SORCS2: variants seen among roughly 807,000 people sequenced by gnomAD.
The protein encoded by SORCS2 is sortilin related VPS10 domain containing receptor 2, also known as VPS10 domain-containing receptor SorCS2.
In SORCS2, 100 loss-of-function variants were observed where a neutral mutation model predicts 141.6. The observed-to-expected ratio is 0.71, with a 90% CI of 0.60 to 0.83. The LOEUF (loss-of-function observed/expected upper bound fraction) is 0.83. SORCS2 is among the 40% of genes least tolerant of loss of function. The pLI is 0.00. For synonymous variants in SORCS2, 789 were observed against 676.9 expected, an observed-to-expected ratio of 1.17 and a Z score of -2.57; for missense variants, 1,646 against 1,560.2, an observed-to-expected ratio of 1.05 and a Z score of -0.93.
rs1238763853 is a variant in SORCS2 at position 7,286,040 on chromosome 4, G to A, written c.480+92914G>A. 6.6e-6 allele frequency among the ~76,000 whole-genome samples: 1 copy of A among 152,170 alleles called. No individual in the cohort carries two copies. Among genetic ancestry groups the A allele is most frequent in the East Asian group, 1.9e-4 (1 of 5,174 alleles). ...CCTGCCGAGAGCCAGCTGCCCCGCCGGGGGCTCCCTGCCTGCCTCCCATCC... is the reference window on the plus strand; with the variant it reads ...CCTGCCGAGAGCCAGCTGCCCCGCCAGGGGCTCCCTGCCTGCCTCCCATCC... On this transcript the variant is annotated intron_variant, in intron 1 of 26. Coordinates refer to ENST00000507866, the MANE Select transcript of SORCS2 (RefSeq NM_020777.3). This position sits in a 1 kb window ranked among gnomAD's most constrained non-coding sequence, Gnocchi z 4.1.
chr4:7,366,508 T>TC, intron 1 of SORCS2, among the ~76,000 whole-genome samples: 1 of 77,510 alleles, frequency 1.3e-5, no homozygotes, highest in East Asian at 3.9e-4. Flanking sequence ...CCTCCAGGCT[T>TC]CCCCTCCTCC....
rs5855952 is a variant in SORCS2, at chr4:7,248,336, T to TGG, written c.480+55216_480+55217dup. 2.3e-3 allele frequency among the ~76,000 whole-genome samples: 345 copies of TGG among 152,002 alleles called. 1 individual carries two copies. Among genetic ancestry groups the TGG allele is most frequent in the East Asian group, 0.013 (66 of 5,160 alleles). On this transcript the variant is annotated intron_variant, in intron 1 of 26. Transcript: ENST00000507866. The stretch of plus-strand genomic sequence containing the variant: ...CCTTCTGCAGGTGTACAGGTCACCG[T>TGG]GGGGGGGCCCTGGGATGGATTCAGA...
chr4:7,268,445 C>T (rs1243174819), intron 1 of SORCS2, among the ~76,000 whole-genome samples: 1 of 152,198 alleles, frequency 6.6e-6, no homozygotes, highest in African/African-American at 2.4e-5. Flanking sequence ...CGTCATCCAG[C>T]ATGCAATGGG....
chr4:7,309,261 C>T (rs888424252), intron 1 of SORCS2, among the ~76,000 whole-genome samples: 3 of 152,206 alleles, frequency 2.0e-5, no homozygotes, highest in Non-Finnish European at 2.9e-5. Context: ...CCCAGTGAAT[C>T]GGAGATGCCA....
chr4:7,396,373 C>G lies in SORCS2; in HGVS notation c.548+18C>G, dbSNP rs778678690. 9.3e-6 allele frequency: 15 copies of G among 1,613,252 alleles called. No individual in the cohort carries two copies. Among genetic ancestry groups the G allele is most frequent in the Non-Finnish European group, 1.3e-5 (15 of 1,179,598 alleles). On this transcript the variant is annotated intron_variant, in intron 2 of 26. Transcript: ENST00000507866. Reference sequence around the variant, plus strand: ...CTGTGGCGGTAAGTCAGCCCGATGGCAGGCCTTTCTCTTATGCACCTGCGT... The same window carrying G: ...CTGTGGCGGTAAGTCAGCCCGATGGGAGGCCTTTCTCTTATGCACCTGCGT...
intron 1 of SORCS2, among the ~76,000 whole-genome samples, chr4:7,340,084 C>T (rs964964884): frequency 2.0e-5 from 3 of 152,188 alleles, no homozygotes; most frequent in East Asian, 1.9e-4. Context: ...GCTGCCAGGC[C>T]GCATGTTCAG....
intron 2 of SORCS2, among the ~76,000 whole-genome samples, chr4:7,513,275 T>C (rs1732774059): frequency 6.6e-6 from 1 of 152,206 alleles, no homozygotes; most frequent in Admixed American, 6.5e-5. Flanking sequence ...TTGCCGTGGA[T>C]GAGTGGAAGC....
intron 2 of SORCS2, among the ~76,000 whole-genome samples, chr4:7,516,636 C>T (rs1472014720): frequency 5.9e-5 from 9 of 152,072 alleles, no homozygotes; most frequent in Admixed American, 1.3e-4. Flanking sequence ...GGACAGGCGT[C>T]GGGGCTGCAC....
intron 1 of SORCS2, among the ~76,000 whole-genome samples, chr4:7,200,321 C>T (rs1727421017): frequency 6.6e-6 from 1 of 152,100 alleles, no homozygotes; most frequent in Admixed American, 6.5e-5. Flanking sequence ...CTCCCCTGCC[C>T]TCCAACACAT....
At chr4:7,405,470 C>A (rs1724908735) in intron 2 of SORCS2, among the ~76,000 whole-genome samples, 1 of 152,086 alleles carries the variant, frequency 6.6e-6, no homozygotes, top group Non-Finnish European at 1.5e-5. Context: ...AGTATTAATT[C>A]TTCTAATCCA....
intron 3 of SORCS2, among the ~76,000 whole-genome samples, chr4:7,619,618 C>T (rs923325446): frequency 6.6e-6 from 1 of 152,188 alleles, no homozygotes; most frequent in Non-Finnish European, 1.5e-5. Flanking sequence ...GCGGCCCTGC[C>T]TCCTTGGGTG....
In SORCS2 at chr4:7,661,488, CTTCTT is replaced by C; in HGVS notation, c.888-8_888-4del. 3 of 1,551,570 alleles carry C rather than the reference CTTCTT, an allele frequency of 1.9e-6. No individual in the cohort carries two copies. Among genetic ancestry groups the C allele is most frequent in the Non-Finnish European group, 2.6e-6 (3 of 1,146,944 alleles). On this transcript the variant is annotated splice_polypyrimidine_tract_variant and splice_region_variant and intron_variant, in intron 5 of 26. Transcript: ENST00000507866. ...TCCATTCCCGACCCCAGCCTCAGCT[CTTCTT>C]TTCCAGGTCTGTGTCTGGGGTGGAC...
At chr4:7,443,751 G>A (rs1199532392) in intron 2 of SORCS2, among the ~76,000 whole-genome samples, 1 of 152,250 alleles carries the variant, frequency 6.6e-6, no homozygotes, top group Non-Finnish European at 1.5e-5. Flanking sequence ...GGCGTTAGAG[G>A]GAAAAGTACA....
At chr4:7,253,672 G>A (rs888798916) in intron 1 of SORCS2, among the ~76,000 whole-genome samples, 2 of 152,338 alleles carry the variant, frequency 1.3e-5, no homozygotes, top group African/African-American at 4.8e-5. Flanking sequence ...GAGCCAGGCT[G>A]TGAAGGCAGT....
chr4:7,450,389 C>T (rs1204832046), intron 2 of SORCS2, among the ~76,000 whole-genome samples: 1 of 152,208 alleles, frequency 6.6e-6, no homozygotes, highest in East Asian at 1.9e-4. Context: ...CTTTCTTGGG[C>T]CCCCAGGTCC....
rs757851216 is a variant in SORCS2 at position 7,721,262 on chromosome 4, C to G, written c.2425-2435C>G. On this transcript the variant is annotated intron_variant, in intron 18 of 26. Transcript: ENST00000507866. ...GGTGGATCAGCTGAGGTCGGGAGTTCGAGACCAGCCTGGCCAACATGACGA... is the reference window on the plus strand; with the variant it reads ...GGTGGATCAGCTGAGGTCGGGAGTTGGAGACCAGCCTGGCCAACATGACGA... Among the ~76,000 whole-genome samples the G allele has an allele frequency of 2.6e-5, 4 of 152,224 alleles. No homozygotes were observed. The South Asian group carries it at 6.2e-4, about 24-fold the overall frequency.
At chr4:7,673,223 G>A (rs1225354028) in intron 8 of SORCS2, among the ~76,000 whole-genome samples, 1 of 152,198 alleles carries the variant, frequency 6.6e-6, no homozygotes, top group African/African-American at 2.4e-5. Context: ...CTGCTGGTGG[G>A]GGAGATACTA....
At chr4:7,338,423 G>GATGGATGGATGT (rs1245179925) in intron 1 of SORCS2, among the ~76,000 whole-genome samples, 7 of 151,612 alleles carry the variant, frequency 4.6e-5, no homozygotes, top group Admixed American at 4.6e-4. Context: ...TGGATGGAAG[G>GATGGATGGATGT]ATGGATGGAT....
At chr4:7,740,041 CCG>C (rs1265019787) in intron 26 of SORCS2, among the ~76,000 whole-genome samples, 157 bp from the exon 27 acceptor site, 1 of 152,126 alleles carries the variant, frequency 6.6e-6, no homozygotes, top group African/African-American at 2.4e-5. Context: ...CACCTAGGAA[CCG>C]CGGAGACCCC....
Sources: allele counts gnomAD v4.1 joint callset (sites outside exome capture counted in the v4.1 genomes callset), GRCh38; gene constraint gnomAD v4.1.1; non-coding constraint Gnocchi (gnomAD v3.1); transcripts MANE v1.5; gene names NCBI Gene and HGNC (gene_info 2026-07-23, HGNC 2026-07-21).